ASIC2: variants seen among roughly 807,000 people sequenced by gnomAD.
ASIC2 encodes acid sensing ion channel subunit 2.
Under a neutral mutation model 57.3 loss-of-function variants are expected in ASIC2, and 25 were observed. The observed-to-expected ratio is 0.44, with a 90% CI of 0.32 to 0.61. The LOEUF is 0.61. ASIC2 is among the 20% of genes least tolerant of loss of function. ASIC2 has a pLI of 0.06. For synonymous variants in ASIC2, 319 were observed against 307.5 expected, an observed-to-expected ratio of 1.04 and a Z score of -0.39; for missense variants, 641 against 738.1, an observed-to-expected ratio of 0.87 and a Z score of 1.52.
chr17:33,532,209 C>T (rs1199685789), intron 1 of ASIC2, among the ~76,000 whole-genome samples: 1 of 152,176 alleles, frequency 6.6e-6, no homozygotes, highest in Non-Finnish European at 1.5e-5. Context: ...GCCTAACCAA[C>T]CTCACCCATG....
At chr17:33,977,562 T>C (rs1309660527) in intron 1 of ASIC2, among the ~76,000 whole-genome samples, 1 of 152,196 alleles carries the variant, frequency 6.6e-6, no homozygotes, top group East Asian at 1.9e-4. Context: ...AGCCAGGCCT[T>C]GTGCTTGTTT....
At chr17:33,533,841 GAC>G (rs1915137988) in intron 1 of ASIC2, 3 of 152,166 alleles carry the variant, frequency 2.0e-5, no homozygotes, top group African/African-American at 7.2e-5. Flanking sequence ...GCAAGATGAA[GAC>G]ACTATCTAAT....
At chr17:33,830,818 A>G (rs1055890690) in intron 1 of ASIC2, among the ~76,000 whole-genome samples, 3 of 151,862 alleles carry the variant, frequency 2.0e-5, no homozygotes, top group Non-Finnish European at 2.9e-5. Context: ...TTACATTTCA[A>G]AAGCAAGTCC....
At chr17:33,275,793 G>C (rs1270730370) in intron 1 of ASIC2, among the ~76,000 whole-genome samples, 1 of 152,226 alleles carries the variant, frequency 6.6e-6, no homozygotes, top group Non-Finnish European at 1.5e-5. Flanking sequence ...GCAGCACAGG[G>C]AAGACCACGG....
intron 1 of ASIC2, among the ~76,000 whole-genome samples, chr17:33,927,986 C>T (rs976078173): frequency 6.6e-6 from 1 of 152,162 alleles, no homozygotes; most frequent in Non-Finnish European, 1.5e-5. Context: ...GCTAATTTTG[C>T]TAATTGTGTG....
chr17:33,213,592 A>C (rs762485175), intron 1 of ASIC2, among the ~76,000 whole-genome samples: 2 of 152,186 alleles, frequency 1.3e-5, no homozygotes, highest in Non-Finnish European at 2.9e-5. Context: ...AGGTCCTGTT[A>C]CCATCGTCCT....
chr17:33,689,803 G>A (rs1908310903), intron 1 of ASIC2, among the ~76,000 whole-genome samples: 1 of 152,226 alleles, frequency 6.6e-6, no homozygotes, highest in African/African-American at 2.4e-5. Flanking sequence ...AGAAGACACA[G>A]ACACACAGAG....
At chr17:33,174,467 T>C (rs1439975906) in intron 1 of ASIC2, among the ~76,000 whole-genome samples, 1 of 151,150 alleles carries the variant, frequency 6.6e-6, no homozygotes, top group Non-Finnish European at 1.5e-5. Context: ...CATTCATTCA[T>C]CAAAAATTCA....
At chr17:33,072,089 C>T (rs1457709227) in intron 3 of ASIC2, among the ~76,000 whole-genome samples, 1 of 152,122 alleles carries the variant, frequency 6.6e-6, no homozygotes, top group Non-Finnish European at 1.5e-5. Context: ...GTCCTGTGAA[C>T]TCTGGTTGTC....
chr17:33,379,479 C>A (rs1909400423), intron 1 of ASIC2, among the ~76,000 whole-genome samples: 1 of 152,220 alleles, frequency 6.6e-6, no homozygotes, highest in Non-Finnish European at 1.5e-5. Flanking sequence ...GGACTCCTAG[C>A]TCCTGGGACC....
intron 1 of ASIC2, among the ~76,000 whole-genome samples, chr17:34,154,543 T>C (rs1331176412): frequency 1.3e-5 from 2 of 152,136 alleles, no homozygotes; most frequent in African/African-American, 4.8e-5. Flanking sequence ...CTGGGCTTTT[T>C]CAGAATCAGA....
At chr17:33,555,216 C>G (rs1388277202) in intron 1 of ASIC2, among the ~76,000 whole-genome samples, 1 of 152,164 alleles carries the variant, frequency 6.6e-6, no homozygotes, top group East Asian at 1.9e-4. Context: ...GTAGTGCCCT[C>G]CTAGCTAGGT....
chr17:34,151,121 A>T (rs529775915), intron 1 of ASIC2, among the ~76,000 whole-genome samples: 4,854 of 150,722 alleles, frequency 0.032, 295 homozygotes, highest in African/African-American at 0.11. Context: ...AAAAAAAAAA[A>T]AAAATAAAGA....
intron 1 of ASIC2, among the ~76,000 whole-genome samples, chr17:33,825,134 A>G (rs1195338268): frequency 6.6e-6 from 1 of 152,080 alleles, no homozygotes; most frequent in African/African-American, 2.4e-5. Flanking sequence ...TAAATTTACC[A>G]TGTCTTCTAT....
chr17:33,986,685 A>G (rs2042259714), intron 1 of ASIC2, among the ~76,000 whole-genome samples: 1 of 152,076 alleles, frequency 6.6e-6, no homozygotes, highest in African/African-American at 2.4e-5. Context: ...AGGGTTTCAC[A>G]CCATGCCTTA....
intron 1 of ASIC2, among the ~76,000 whole-genome samples, chr17:33,660,590 T>C (rs545866664): frequency 3.3e-5 from 5 of 152,338 alleles, no homozygotes; most frequent in Admixed American, 2.0e-4. Flanking sequence ...CATAAACCAG[T>C]AGCACAGTCA....
intron 1 of ASIC2, among the ~76,000 whole-genome samples, chr17:33,636,167 A>G (rs1050575815): frequency 6.6e-6 from 1 of 152,250 alleles, no homozygotes; most frequent in Non-Finnish European, 1.5e-5. Flanking sequence ...ATATTAATAC[A>G]GATTCAAAAT....
chr17:33,298,597 C>A (rs994953671), intron 1 of ASIC2, among the ~76,000 whole-genome samples: 4 of 152,132 alleles, frequency 2.6e-5, no homozygotes, highest in Non-Finnish European at 5.9e-5. Context: ...ATTTATAATC[C>A]TTTGGGTATA....
chr17:33,856,499 T>A (rs79879203), intron 1 of ASIC2, among the ~76,000 whole-genome samples: 168 of 15,392 alleles, frequency 0.011, no homozygotes, highest in South Asian at 0.029. Flanking sequence ...GTAATAGTGT[T>A]GTCAGTAGTA....
Sources: allele counts gnomAD v4.1 joint callset (sites outside exome capture counted in the v4.1 genomes callset), GRCh38; gene constraint gnomAD v4.1.1; transcripts MANE v1.5; gene names NCBI Gene and HGNC (gene_info 2026-07-23, HGNC 2026-07-21).